CADM2: variants seen among roughly 807,000 people sequenced by gnomAD.
The protein encoded by CADM2 is cell adhesion molecule 2, also known as immunoglobulin superfamily member 4D.
CADM2 carries 12 observed loss-of-function variants against 49.8 expected under a neutral mutation model. The ratio of observed to expected loss-of-function variants is 0.24; its 90% CI spans 0.15 to 0.39. The LOEUF (loss-of-function observed/expected upper bound fraction) is 0.39. Ranked by LOEUF, CADM2 falls within the 10% of genes least tolerant of loss-of-function variation. The pLI is 1.00. For synonymous variants in CADM2, 214 were observed against 175.4 expected (o/e 1.22, Z -1.74); for missense variants, 378 against 492.3 (o/e 0.77, Z 2.20).
intron 1 of CADM2, among the ~76,000 whole-genome samples, chr3:85,604,138 T>C (rs146441761): frequency 6.6e-6 from 1 of 152,110 alleles, no homozygotes; most frequent in East Asian, 1.9e-4. Context: ...GTATTCTTTG[T>C]GTACACATAA....
At chr3:85,400,638 G>A (rs1042443809) in intron 1 of CADM2, among the ~76,000 whole-genome samples, 10 of 152,110 alleles carry the variant, frequency 6.6e-5, no homozygotes, top group African/African-American at 2.4e-4. Context: ...CCTGTTATTG[G>A]TCTATTTAGG....
At chr3:85,218,521 A>G (rs527400099) in intron 1 of CADM2, among the ~76,000 whole-genome samples, 22 of 152,198 alleles carry the variant, frequency 1.4e-4, no homozygotes, top group Middle Eastern at 3.4e-3. Flanking sequence ...AGGGAGGTAA[A>G]GTGTACAGGC....
chr3:85,491,430 T>G (rs978021395), intron 1 of CADM2, among the ~76,000 whole-genome samples: 1 of 152,188 alleles, frequency 6.6e-6, no homozygotes, highest in Non-Finnish European at 1.5e-5. Flanking sequence ...AAAATTAATT[T>G]CCTTCATTTC....
At chr3:86,018,399 G>A (rs1253270335) in intron 8 of CADM2, among the ~76,000 whole-genome samples, 3 of 150,988 alleles carry the variant, frequency 2.0e-5, no homozygotes, top group African/African-American at 7.3e-5. Flanking sequence ...ACCCAGTAAT[G>A]GGATGGCTGG....
chr3:85,875,393 G>T (rs1711685997), intron 3 of CADM2, among the ~76,000 whole-genome samples: 1 of 151,962 alleles, frequency 6.6e-6, no homozygotes, highest in Non-Finnish European at 1.5e-5. Context: ...ATATCTAATG[G>T]CATATTTTCA....
chr3:85,403,122 A>G (rs557413101), intron 1 of CADM2, among the ~76,000 whole-genome samples: 1 of 152,262 alleles, frequency 6.6e-6, no homozygotes, highest in East Asian at 1.9e-4. Flanking sequence ...TTAAGAAAAA[A>G]TGAATGAAAT....
intron 1 of CADM2, among the ~76,000 whole-genome samples, chr3:85,678,341 C>T (rs1293071438): frequency 3.3e-5 from 5 of 152,102 alleles, no homozygotes; most frequent in Non-Finnish European, 7.4e-5. Context: ...CAGACTTCAT[C>T]CACTCTGTCT....
intron 1 of CADM2, among the ~76,000 whole-genome samples, chr3:85,198,661 A>G (rs2041407825): frequency 6.6e-6 from 1 of 151,878 alleles, no homozygotes; most frequent in Non-Finnish European, 1.5e-5. Context: ...TTTAATTTTA[A>G]CTCATTATTT....
At chr3:85,630,439 T>A (rs2064274695) in intron 1 of CADM2, among the ~76,000 whole-genome samples, 1 of 152,004 alleles carries the variant, frequency 6.6e-6, no homozygotes, top group South Asian at 2.1e-4. Context: ...AATACTGCCA[T>A]CTGTATAGTG....
intron 1 of CADM2, among the ~76,000 whole-genome samples, chr3:85,019,482 G>GA (rs1242259324): frequency 2.6e-5 from 4 of 152,180 alleles, no homozygotes; most frequent in Admixed American, 2.0e-4. Context: ...GATCCTGTAT[G>GA]AAAAAACAAA....
intron 1 of CADM2, among the ~76,000 whole-genome samples, chr3:85,498,612 C>T (rs762935909): frequency 2.0e-5 from 3 of 151,684 alleles, no homozygotes; most frequent in Admixed American, 1.3e-4. Context: ...AATGTAAGAC[C>T]CTTTACATCT....
intron 1 of CADM2, among the ~76,000 whole-genome samples, chr3:85,460,110 C>T (rs1016324173): frequency 9.9e-5 from 15 of 152,032 alleles, no homozygotes; most frequent in African/African-American, 2.2e-4. Flanking sequence ...CTGTACAAAA[C>T]GAGCTTGTAG....
chr3:86,044,750 A>T (rs200973711), intron 8 of CADM2, among the ~76,000 whole-genome samples: 95 of 152,344 alleles, frequency 6.2e-4, no homozygotes, highest in African/African-American at 2.2e-3. Flanking sequence ...TGCTATAAAG[A>T]CACATGCACA....
At chr3:85,274,699 A>C (rs1034288590) in intron 1 of CADM2, among the ~76,000 whole-genome samples, 3 of 151,560 alleles carry the variant, frequency 2.0e-5, no homozygotes, top group Non-Finnish European at 4.4e-5. Flanking sequence ...AAATAGTTAC[A>C]GAAATAGCTA....
chr3:85,890,808 T>G (rs770499665), intron 5 of CADM2, among the ~76,000 whole-genome samples: 4 of 152,116 alleles, frequency 2.6e-5, no homozygotes, highest in Non-Finnish European at 5.9e-5. Flanking sequence ...ATTCATCATA[T>G]GTGTTTGGGA....
At chr3:85,398,196 C>T (rs1165152309) in intron 1 of CADM2, among the ~76,000 whole-genome samples, 1 of 152,014 alleles carries the variant, frequency 6.6e-6, no homozygotes, top group African/African-American at 2.4e-5. Flanking sequence ...GTGATGTTCC[C>T]CTTCCTGTGT....
rs142456015 is a variant in CADM2, at chr3:85,684,751, A to T, written c.62-41771A>T. On this transcript the variant is annotated intron_variant, in intron 1 of 9. Coordinates refer to ENST00000383699, the MANE Select transcript of CADM2 (RefSeq NM_001167675.2). Reference sequence around the variant, plus strand: ...ACCCCTTATAAAATCATCAGCTCTCATGAGACTTATTCACTGCTAAGAGAA... The same window carrying T: ...ACCCCTTATAAAATCATCAGCTCTCTTGAGACTTATTCACTGCTAAGAGAA... Among the ~76,000 whole-genome samples, 7 of 152,306 alleles carry T rather than the reference A, an allele frequency of 4.6e-5. No homozygotes were observed. In the East Asian group the frequency reaches 1.2e-3, roughly 25 times the overall value.
chr3:85,004,320 T>C (rs2033619901), intron 1 of CADM2, among the ~76,000 whole-genome samples: 1 of 152,140 alleles, frequency 6.6e-6, no homozygotes, highest in Non-Finnish European at 1.5e-5. Context: ...TTTCCACTAT[T>C]CTCTTATGGC....
At chr3:85,041,052 G>A (rs2035419775) in intron 1 of CADM2, among the ~76,000 whole-genome samples, 1 of 152,008 alleles carries the variant, frequency 6.6e-6, no homozygotes, top group Non-Finnish European at 1.5e-5. Flanking sequence ...GAGACAAATT[G>A]GTTGTATTCT....
Sources: gnomAD v4.1 joint callset for allele counts (sites outside exome capture counted in the v4.1 genomes callset) on GRCh38, gnomAD v4.1.1 for gene constraint, MANE v1.5 for transcripts, NCBI Gene and HGNC (gene_info 2026-07-23, HGNC 2026-07-21) for gene names.